RABGAP1L: variants seen among roughly 807,000 people sequenced by gnomAD.
The protein encoded by RABGAP1L is rab GTPase-activating protein 1-like.
Under a neutral mutation model 137.7 loss-of-function variants are expected in RABGAP1L, and 63 were observed. That is an observed-to-expected ratio of 0.46 (90% CI 0.37 to 0.56). The LOEUF is 0.56. Among genes scored for constraint, RABGAP1L ranks in the 20% least tolerant of loss-of-function variants. The pLI, the probability that RABGAP1L is intolerant of heterozygous loss-of-function variation, is 0.00. For synonymous variants in RABGAP1L, 431 were observed against 433.7 expected, an observed-to-expected ratio of 0.99 and a Z score of 0.08; for missense variants, 1,095 against 1,244.0, an observed-to-expected ratio of 0.88 and a Z score of 1.80.
chr1:174,607,961 A>G (rs1005564940), intron 13 of RABGAP1L, among the ~76,000 whole-genome samples: 10 of 152,312 alleles, frequency 6.6e-5, no homozygotes, highest in Middle Eastern at 3.4e-3. Flanking sequence ...ATTTTGAACA[A>G]TGAGATAATT....
intron 14 of RABGAP1L, among the ~76,000 whole-genome samples, chr1:174,657,400 C>G (rs1676042822): frequency 6.6e-6 from 1 of 152,176 alleles, no homozygotes; most frequent in Non-Finnish European, 1.5e-5. Flanking sequence ...CCACCCCCTT[C>G]TCTCTACCCT....
rs1205455207 is a variant in RABGAP1L, at chr1:174,990,501, C to T, written c.*500C>T. The T allele has an allele frequency of 6.6e-6, 1 of 152,340 alleles. No individual in the cohort carries two copies. The highest frequency in any genetic ancestry group is 1.5e-5 in the Non-Finnish European group (1 of 68,164). The allele number at this position is 152,340 out of a possible 1,614,324, so 9.4% of individuals were successfully genotyped here. On this transcript the variant is annotated 3_prime_UTR_variant, in exon 26 of 26. Transcript: ENST00000681986. Reference sequence around the variant, plus strand: ...ACCACTCTCAGGTTTCCTCCTGAGCCTGATTCCCAGGGAAGTGTTAATCCT... The same window carrying T: ...ACCACTCTCAGGTTTCCTCCTGAGCTTGATTCCCAGGGAAGTGTTAATCCT...
intron 19 of RABGAP1L, among the ~76,000 whole-genome samples, chr1:174,869,577 C>T (rs562539500): frequency 6.6e-6 from 1 of 152,080 alleles, no homozygotes; most frequent in Admixed American, 6.6e-5. Flanking sequence ...GGTTTTTCTT[C>T]GTAGCAGTGT....
At chr1:174,823,100 A>T (rs903590163) in intron 19 of RABGAP1L, among the ~76,000 whole-genome samples, 1 of 152,214 alleles carries the variant, frequency 6.6e-6, no homozygotes, top group Non-Finnish European at 1.5e-5. Flanking sequence ...AACAAAAAGA[A>T]CATCAGAATT....
At chr1:174,845,070 G>T (rs1014180466) in intron 19 of RABGAP1L, among the ~76,000 whole-genome samples, 1 of 149,184 alleles carries the variant, frequency 6.7e-6, no homozygotes, top group African/African-American at 2.4e-5. Context: ...TTTGTACATT[G>T]ATTTTGTATC....
At chr1:174,957,770 T>C (rs1379284372) in intron 20 of RABGAP1L, 4 of 989,050 alleles carry the variant, frequency 4.0e-6, no homozygotes, top group Middle Eastern at 4.2e-4. Context: ...TTGTGGCAAG[T>C]TCAATTCCCT....
At chr1:174,952,377 G>T (rs945455805) in intron 19 of RABGAP1L, among the ~76,000 whole-genome samples, 1 of 147,716 alleles carries the variant, frequency 6.8e-6, no homozygotes, top group East Asian at 2.0e-4. Context: ...TAGGCATGGT[G>T]GTGTGCCCCT....
At chr1:174,501,276 C>T (rs965194668) in intron 13 of RABGAP1L, among the ~76,000 whole-genome samples, 2 of 150,158 alleles carry the variant, frequency 1.3e-5, no homozygotes, top group Non-Finnish European at 3.0e-5. Context: ...TGCACTGGGG[C>T]CATCACGGCT....
Position 174,613,905 on chromosome 1 carries a change from G to C in RABGAP1L, c.1711-23470G>C, listed in dbSNP as rs962187606. Among the ~76,000 whole-genome samples, 12 of 151,816 alleles carry C rather than the reference G, an allele frequency of 7.9e-5. 1 individual carries two copies. Among genetic ancestry groups the C allele is most frequent in the Admixed American group, 4.6e-4 (7 of 15,244 alleles). ...CCCTGCCTTTTTTTGTTTTCCATTT[G>C]CTTGGTAGATCTTCCTCCATCCCTT... On this transcript the variant is annotated intron_variant, in intron 13 of 25. Transcript: ENST00000681986.
intron 20 of RABGAP1L, among the ~76,000 whole-genome samples, chr1:174,966,489 T>A (rs1421095367): frequency 2.0e-5 from 3 of 152,334 alleles, no homozygotes; most frequent in Admixed American, 2.0e-4. Context: ...CTAAGTTTCC[T>A]ATATGTTTTT....
chr1:174,966,140 A>G (rs529153737), intron 20 of RABGAP1L, among the ~76,000 whole-genome samples: 3 of 152,318 alleles, frequency 2.0e-5, no homozygotes, highest in South Asian at 2.1e-4. Context: ...CTTTAACTCA[A>G]TTCTAAGCAT....
intron 4 of RABGAP1L, among the ~76,000 whole-genome samples, chr1:174,239,868 C>T (rs751527822): frequency 3.3e-5 from 5 of 152,100 alleles, no homozygotes; most frequent in Admixed American, 2.0e-4. Context: ...GCCTCATTCT[C>T]TAAAGTTTAG....
At chr1:174,668,266 C>T (rs1676928943) in intron 14 of RABGAP1L, among the ~76,000 whole-genome samples, 1 of 152,154 alleles carries the variant, frequency 6.6e-6, no homozygotes, top group Non-Finnish European at 1.5e-5. Flanking sequence ...CTCCCTTCCT[C>T]CTGACCACCA....
At chr1:174,673,053 A>G (rs910475722) in intron 14 of RABGAP1L, among the ~76,000 whole-genome samples, 2 of 151,988 alleles carry the variant, frequency 1.3e-5, no homozygotes, top group Non-Finnish European at 2.9e-5. Flanking sequence ...CCTACTTCCA[A>G]CCCCTAATAC....
At chr1:174,344,679 G>A (rs762580685) in intron 11 of RABGAP1L, among the ~76,000 whole-genome samples, 3 of 152,140 alleles carry the variant, frequency 2.0e-5, no homozygotes, top group Non-Finnish European at 2.9e-5. Context: ...GTGGAAACAG[G>A]CTGAGTGACT....
At chr1:174,858,008 T>C (rs985226103) in intron 19 of RABGAP1L, among the ~76,000 whole-genome samples, 2 of 152,136 alleles carry the variant, frequency 1.3e-5, no homozygotes, top group Non-Finnish European at 1.5e-5. Context: ...TATTTTATTG[T>C]TTTATTGTTT....
intron 18 of RABGAP1L, among the ~76,000 whole-genome samples, chr1:174,795,399 GTC>G (rs1435951699): frequency 6.6e-6 from 1 of 152,152 alleles, no homozygotes; most frequent in Non-Finnish European, 1.5e-5. Context: ...CCAAGAAAGA[GTC>G]TATACAAACA....
At chr1:174,541,715 G>C (rs530716882) in intron 13 of RABGAP1L, among the ~76,000 whole-genome samples, 1 of 152,060 alleles carries the variant, frequency 6.6e-6, no homozygotes, top group Admixed American at 6.5e-5. Flanking sequence ...GGCGGAGCTT[G>C]TAGTGAGCCG....
intron 1 of RABGAP1L, among the ~76,000 whole-genome samples, chr1:174,207,712 G>T (rs1668599830): frequency 6.6e-6 from 1 of 152,122 alleles, no homozygotes; most frequent in South Asian, 2.1e-4. Context: ...AATAGACTTG[G>T]TCCCTGCCCA....
Sources: allele counts gnomAD v4.1 joint callset (sites outside exome capture counted in the v4.1 genomes callset), GRCh38; gene constraint gnomAD v4.1.1; transcripts MANE v1.5; gene names NCBI Gene and HGNC (gene_info 2026-07-23, HGNC 2026-07-21).